The following TUT4 variants were observed in gnomAD, a reference collection of about 807,000 sequenced individuals.
TUT4 encodes the protein terminal uridylyltransferase 4.
TUT4 carries 36 observed loss-of-function variants against 192.2 expected under a neutral mutation model. The observed-to-expected ratio is 0.19, with a 90% CI of 0.14 to 0.25. The LOEUF is 0.25. Among genes scored for constraint, TUT4 ranks in the 10% least tolerant of loss-of-function variants. The pLI is 1.00. For synonymous variants in TUT4, 618 were observed against 666.0 expected (o/e 0.93, Z 1.11); for missense variants, 1,493 against 1,957.2 (o/e 0.76, Z 4.47).
At position 52,474,847 on chromosome 1, in the gene TUT4, A is replaced by C; in HGVS notation, c.2712T>G (p.Ile904Met). Residue 904 changes from isoleucine to methionine, a missense_variant, in exon 13 of 30, where the codon ATT (isoleucine) becomes ATG (methionine). Physicochemically the swap from Ile to Met is conservative, Grantham distance 10 (BLOSUM62 1). This residue lies in a region of TUT4 where 59 missense variants were observed against 114.3 expected (regional missense o/e 0.52). Coordinates refer to ENST00000257177, the MANE Select transcript of TUT4 (RefSeq NM_001009881.3). ...QELYYVFDKF[I>M]LTSGKPPTIV... is the part of the protein sequence containing the mutation. Reference sequence around the variant, plus strand: ...TGTATCCTACCTTGCCAGAGGTTAAAATAAACTTATCAAACACATAATATA... The same window carrying C: ...TGTATCCTACCTTGCCAGAGGTTAACATAAACTTATCAAACACATAATATA... The C allele has an allele frequency of 6.2e-7, 1 of 1,602,602 alleles. No homozygotes were observed. The highest frequency in any genetic ancestry group is 1.3e-5 in the African/African-American group (1 of 74,784).
intron 1 of TUT4, among the ~76,000 whole-genome samples, chr1:52,528,853 C>G (rs981907702): frequency 5.3e-5 from 8 of 152,084 alleles, no homozygotes; most frequent in Non-Finnish European, 1.0e-4. Flanking sequence ...CAACTAAGAA[C>G]ACAGGCGCAC....
At chr1:52,529,545 T>A (rs1235917375) in intron 1 of TUT4, among the ~76,000 whole-genome samples, 1 of 152,172 alleles carries the variant, frequency 6.6e-6, no homozygotes, top group Non-Finnish European at 1.5e-5. Context: ...TATCTTTAAA[T>A]TTTTAATGCT....
In TUT4 at chr1:52,430,994, G is replaced by A; in HGVS notation, c.4711+19C>T. 6.5e-7 allele frequency: 1 copy of A among 1,535,414 alleles called. No homozygotes were observed. The highest frequency in any genetic ancestry group is 8.8e-7 in the Non-Finnish European group (1 of 1,140,854). On this transcript the variant is annotated intron_variant, in intron 28 of 29. Coordinates refer to ENST00000257177, the MANE Select transcript of TUT4 (RefSeq NM_001009881.3). ...GAAGAAAAGACATGCAGATAAAAAAGAAGAAAAGGAAAGGTTACCTGAATT... is the reference window on the plus strand; with the variant it reads ...GAAGAAAAGACATGCAGATAAAAAAAAAGAAAAGGAAAGGTTACCTGAATT...
At chr1:52,536,317 T>A (rs1208747725) in intron 1 of TUT4, among the ~76,000 whole-genome samples, 1 of 152,186 alleles carries the variant, frequency 6.6e-6, no homozygotes, top group Non-Finnish European at 1.5e-5. Context: ...AACTAGGTTG[T>A]TATAAATTTA....
Position 52,475,382 on chromosome 1 carries a change from T to C in TUT4, c.2177A>G (p.Glu726Gly), listed in dbSNP as rs1369494031. Residue 726 changes from glutamate (E) to glycine (G), a missense_variant, in exon 13 of 30, where the codon GAG (glutamate) becomes GGG (glycine). Glu to Gly is a moderately conservative substitution (Grantham distance 98, BLOSUM62 -2). Around this residue, in one of 7 missense-constraint regions of TUT4, gnomAD observed 245 missense variants for 218.4 expected, o/e 1.12. Transcript: ENST00000257177. ...TTTCTTATTGCTTATTTTCCCCTTC[T>C]CTCTTTTCTTGAAATCCACTGTAGA... ...NKSTVDFKKR[E>G]KGKISNKKPV... 2 of 1,614,040 alleles carry C rather than the reference T, an allele frequency of 1.2e-6. No individual in the cohort carries two copies. The highest frequency in any genetic ancestry group is 2.7e-5 in the African/African-American group (2 of 74,920).
chr1:52,533,863 G>GA (rs1358326386), intron 1 of TUT4, among the ~76,000 whole-genome samples: 1 of 152,162 alleles, frequency 6.6e-6, no homozygotes, highest in African/African-American at 2.4e-5. Flanking sequence ...CTACTGGGGA[G>GA]AATGAGGCAC....
intron 24 of TUT4, 23 bp from the exon 25 acceptor site, chr1:52,438,358 C>T: frequency 6.5e-7 from 1 of 1,549,674 alleles, no homozygotes; most frequent in Non-Finnish European, 8.8e-7. Flanking sequence ...TGCAATTTTA[C>T]TAGGAGGAAT....
At chr1:52,509,023 C>A (rs917557359) in intron 4 of TUT4, among the ~76,000 whole-genome samples, 1 of 152,082 alleles carries the variant, frequency 6.6e-6, no homozygotes, top group Non-Finnish European at 1.5e-5. Context: ...CCTTTTCCTG[C>A]CTAAAGACTT....
chr1:52,504,954 T>C (rs1267489051), intron 4 of TUT4, among the ~76,000 whole-genome samples: 2 of 152,244 alleles, frequency 1.3e-5, no homozygotes, highest in Non-Finnish European at 2.9e-5. Context: ...ATGAATACTG[T>C]ACATTTTGCT....
In TUT4 at chr1:52,431,241, G is replaced by A. The variant is rs1438182726; in HGVS notation, c.4483C>T (p.Pro1495Ser). The part of the protein sequence containing the change: ...YSPMHNMGLL[P>S]MHPLQIPAPS... ...GCAGGGATCTGGAGAGGGTGCATTG[G>A]CAACAATCCCATATTGTGCATGGGA... The change falls in exon 28 of 30, where the codon CCA becomes TCA. Residue 1495 changes from proline to serine, a missense_variant. Physicochemically the swap from Pro to Ser is moderately conservative, Grantham distance 74. Transcript: ENST00000257177. 1.9e-6 allele frequency: 3 copies of A among 1,614,060 alleles called. No homozygotes were observed. In the East Asian group the frequency reaches 6.7e-5, roughly 36 times the overall value.
At chr1:52,450,231 T>C (rs1017195493) in intron 20 of TUT4, among the ~76,000 whole-genome samples, 3 of 152,112 alleles carry the variant, frequency 2.0e-5, no homozygotes, top group Non-Finnish European at 4.4e-5. Context: ...TTTAAACATA[T>C]CCTTACCCTT....
chr1:52,508,921 T>G (rs1009786122), intron 4 of TUT4, among the ~76,000 whole-genome samples: 1 of 152,212 alleles, frequency 6.6e-6, no homozygotes, highest in Non-Finnish European at 1.5e-5. Context: ...AGTTTCTTAA[T>G]TGTCTGCACT....
chr1:52,442,507 A>C (rs550557988), intron 24 of TUT4, among the ~76,000 whole-genome samples: 169 of 152,308 alleles, frequency 1.1e-3, no homozygotes, highest in African/African-American at 3.9e-3. Flanking sequence ...CCTTATCCAA[A>C]ATGCTTGAGA....
intron 4 of TUT4, among the ~76,000 whole-genome samples, chr1:52,506,373 T>C (rs1014270994): frequency 1.3e-5 from 2 of 152,224 alleles, no homozygotes; most frequent in African/African-American, 2.4e-5. Context: ...CAGAGTTACG[T>C]GGACCTCATA....
At chr1:52,461,015 T>C in intron 19 of TUT4, 119 bp downstream of exon 19, 1 of 740,988 alleles carries the variant, frequency 1.3e-6, no homozygotes, top group East Asian at 2.6e-5. Flanking sequence ...TACTGAAAGT[T>C]TCTTTTTTAA....
At chr1:52,473,651 A>G (rs764205562) in intron 13 of TUT4, among the ~76,000 whole-genome samples, 3 of 152,210 alleles carry the variant, frequency 2.0e-5, no homozygotes, top group Non-Finnish European at 4.4e-5. Context: ...AAGCTTGTCA[A>G]TAACTACGAT....
intron 2 of TUT4, among the ~76,000 whole-genome samples, chr1:52,524,834 T>G (rs774946444): frequency 2.0e-5 from 3 of 152,080 alleles, no homozygotes; most frequent in Non-Finnish European, 2.9e-5. Flanking sequence ...AATTCTTCAA[T>G]GGCTTCTGAA....
chr1:52,506,858 A>G (rs1044346162), intron 4 of TUT4, among the ~76,000 whole-genome samples: 3 of 152,304 alleles, frequency 2.0e-5, no homozygotes, highest in African/African-American at 7.2e-5. Context: ...ACTAAATGCT[A>G]CATTATGTGA....
chr1:52,534,291 C>T (rs1684308564), intron 1 of TUT4, among the ~76,000 whole-genome samples: 1 of 152,096 alleles, frequency 6.6e-6, no homozygotes, highest in East Asian at 1.9e-4. Flanking sequence ...TTCTGGCACT[C>T]GGTATCAGTA....
Sources: allele counts gnomAD v4.1 joint callset (sites outside exome capture counted in the v4.1 genomes callset), GRCh38; gene constraint gnomAD v4.1.1; regional missense constraint gnomAD v4.1.1; transcripts MANE v1.5; gene names NCBI Gene and HGNC (gene_info 2026-07-23, HGNC 2026-07-21).